ZNF131: variants seen among roughly 807,000 people sequenced by gnomAD.
ZNF131 encodes zinc finger and BTB domain containing 35.
Under a neutral mutation model 60.0 loss-of-function variants are expected in ZNF131, and 7 were observed. The observed-to-expected ratio is 0.12, with a 90% CI of 0.07 to 0.22. The LOEUF is 0.22. ZNF131 is among the 10% of genes least tolerant of loss of function. The pLI is 1.00. For missense variants in ZNF131, 493 were observed against 740.9 expected, an observed-to-expected ratio of 0.67 and a Z score of 3.88; for synonymous variants, 257 against 253.2, an observed-to-expected ratio of 1.01 and a Z score of -0.14.
intron 3 of ZNF131, among the ~76,000 whole-genome samples, chr5:43,127,811 C>T (rs148031633): frequency 1.3e-5 from 2 of 152,324 alleles, no homozygotes; most frequent in African/African-American, 2.4e-5. Flanking sequence ...GACATTCATT[C>T]CTTTGTTCAG....
At chr5:43,166,833 A>G (rs1041644442) in intron 5 of ZNF131, among the ~76,000 whole-genome samples, 1 of 144,614 alleles carries the variant, frequency 6.9e-6, no homozygotes, top group Non-Finnish European at 1.5e-5. Flanking sequence ...TTTTTTTTGT[A>G]TTTTTTAGTA....
chr5:43,148,201 A>G (rs556756462), intron 4 of ZNF131, among the ~76,000 whole-genome samples: 3 of 150,268 alleles, frequency 2.0e-5, no homozygotes, highest in East Asian at 4.0e-4. Context: ...GTGAGACCCT[A>G]TCTCTACAAA....
intron 3 of ZNF131, among the ~76,000 whole-genome samples, chr5:43,126,153 G>A (rs554507780): frequency 2.8e-4 from 42 of 152,250 alleles, no homozygotes; most frequent in Non-Finnish European, 3.1e-4. Context: ...TTTGTGTGCT[G>A]TGTGACCTTA....
intron 5 of ZNF131, among the ~76,000 whole-genome samples, chr5:43,166,848 C>T (rs1290427533): frequency 3.3e-5 from 5 of 151,866 alleles, no homozygotes; most frequent in Non-Finnish European, 7.4e-5. Context: ...TTAGTAGAGA[C>T]GGGGTTTCAC....
intron 6 of ZNF131, 120 bp from the exon 7 acceptor site, chr5:43,174,327 C>A: frequency 1.1e-6 from 1 of 905,006 alleles, no homozygotes. Flanking sequence ...ATTGCAGGTA[C>A]CATATTTATA....
At chr5:43,138,078 G>A (rs1256663830) in intron 3 of ZNF131, among the ~76,000 whole-genome samples, 1 of 152,164 alleles carries the variant, frequency 6.6e-6, no homozygotes, top group African/African-American at 2.4e-5. Flanking sequence ...GGTTGCTAGG[G>A]GCTGGGAGGG....
chr5:43,142,232 A>G (rs896121246), intron 4 of ZNF131, among the ~76,000 whole-genome samples: 4 of 149,880 alleles, frequency 2.7e-5, no homozygotes, highest in African/African-American at 7.3e-5. Context: ...AATCCCAGCT[A>G]CTCGGGAGGC....
intron 4 of ZNF131, among the ~76,000 whole-genome samples, chr5:43,149,800 C>T (rs937199074): frequency 4.1e-5 from 6 of 145,150 alleles, no homozygotes; most frequent in Middle Eastern, 3.6e-3. Context: ...ATTTTTTAAT[C>T]GGCTTTTTTG....
intron 4 of ZNF131, among the ~76,000 whole-genome samples, chr5:43,146,805 C>G (rs1747641004): frequency 6.6e-6 from 1 of 152,016 alleles, no homozygotes; most frequent in African/African-American, 2.4e-5. Context: ...ACTTGGGAGG[C>G]TGAGACAGGA....
At chr5:43,136,084 G>A (rs1335993179) in intron 3 of ZNF131, among the ~76,000 whole-genome samples, 1 of 152,180 alleles carries the variant, frequency 6.6e-6, no homozygotes, top group African/African-American at 2.4e-5. Context: ...ACTCCAGCTC[G>A]GGCAACAGAG....
chr5:43,143,781 T>C (rs913967360), intron 4 of ZNF131, among the ~76,000 whole-genome samples: 2 of 152,048 alleles, frequency 1.3e-5, no homozygotes, highest in African/African-American at 4.8e-5. Flanking sequence ...CTTTACTTCC[T>C]GTGTTAACAG....
rs938566509 is a variant in ZNF131 at position 43,174,318 on chromosome 5, T to C, written c.1186-129T>C. On this transcript the variant is annotated intron_variant, in intron 6 of 6. Transcript: ENST00000682664. ...ATGAAATAGCTTGGACGAGATTCTA[T>C]TGCAGGTACCATATTTATAACATTT... 4 of 847,348 alleles carry C rather than the reference T, an allele frequency of 4.7e-6. No individual in the cohort carries two copies. The East Asian group carries it at 8.6e-5, about 18-fold the overall frequency. The allele number at this position is 847,348 out of a possible 1,614,324, so 52.5% of individuals were successfully genotyped here. A position where few individuals can be genotyped will look rare whatever the true frequency, so the allele number is the denominator to read the frequency against.
chr5:43,166,892 T>C (rs111606168), intron 5 of ZNF131, among the ~76,000 whole-genome samples: 27,189 of 151,980 alleles, frequency 0.18, 2,864 homozygotes, highest in Middle Eastern at 0.33. Flanking sequence ...ACTCCTGAGC[T>C]CGTGATCCAC....
intron 5 of ZNF131, among the ~76,000 whole-genome samples, chr5:43,167,470 A>T (rs1007731858): frequency 4.6e-5 from 7 of 152,222 alleles, no homozygotes; most frequent in African/African-American, 1.7e-4. Flanking sequence ...GACAGGAGAC[A>T]GTCCTCTTCC....
chr5:43,161,191 A>T, intron 4 of ZNF131, 58 bp from the exon 5 acceptor site: 1 of 1,473,904 alleles, frequency 6.8e-7, no homozygotes, highest in Non-Finnish European at 9.1e-7. Flanking sequence ...AGTTTCTTCA[A>T]AAAAGCCTGG....
chr5:43,169,181 T>C (rs1750688621), intron 5 of ZNF131, among the ~76,000 whole-genome samples: 1 of 152,216 alleles, frequency 6.6e-6, no homozygotes, highest in African/African-American at 2.4e-5. Context: ...AGTCACTTTA[T>C]CTTTGGGCTT....
At chr5:43,167,142 G>T (rs1450548284) in intron 5 of ZNF131, among the ~76,000 whole-genome samples, 1 of 152,204 alleles carries the variant, frequency 6.6e-6, no homozygotes, top group East Asian at 1.9e-4. Flanking sequence ...TTTGTTATGG[G>T]TGTGGGTTCA....
intron 5 of ZNF131, among the ~76,000 whole-genome samples, chr5:43,171,595 A>G (rs1751001037): frequency 6.6e-6 from 1 of 151,982 alleles, no homozygotes; most frequent in Non-Finnish European, 1.5e-5. Context: ...GCTCCCCTCT[A>G]GGTAGTCATC....
At chr5:43,143,269 C>T (rs776495884) in intron 4 of ZNF131, 6 of 652,442 alleles carry the variant, frequency 9.2e-6, no homozygotes, top group Non-Finnish European at 1.2e-5. Context: ...GATCTGCCCG[C>T]CTCTGCCTCC....
Sources: gnomAD v4.1 joint callset for allele counts (sites outside exome capture counted in the v4.1 genomes callset) on GRCh38, gnomAD v4.1.1 for gene constraint, MANE v1.5 for transcripts, NCBI Gene and HGNC (gene_info 2026-07-23, HGNC 2026-07-21) for gene names.